The following TYW5 variants were observed in gnomAD, a reference collection of about 807,000 sequenced individuals.
TYW5 encodes tRNA wybutosine-synthesizing protein 5.
TYW5 carries 36 observed loss-of-function variants against 44.4 expected under a neutral mutation model. That is an observed-to-expected ratio of 0.81 (90% CI 0.62 to 1.07). The LOEUF is 1.07. TYW5 is among the 50% of genes least tolerant of loss of function. TYW5 has a pLI of 0.00. For missense variants in TYW5, 354 were observed against 365.7 expected (o/e 0.97, Z 0.26); for synonymous variants, 121 against 128.1 (o/e 0.94, Z 0.37).
chr2:199,941,930 TC>T (rs2077467850), intron 3 of TYW5: 1 of 152,252 alleles, frequency 6.6e-6, no homozygotes, highest in Non-Finnish European at 1.5e-5. Flanking sequence ...GGCAGTCTGC[TC>T]AGGAGTTCCA....
At chr2:199,942,664 A>G (rs984420561) in intron 3 of TYW5, 1 of 152,142 alleles carries the variant, frequency 6.6e-6, no homozygotes, top group Non-Finnish European at 1.5e-5. Context: ...TGGTTATACT[A>G]CAGAATCACA....
At chr2:199,954,717 G>A (rs1365258183) in intron 1 of TYW5, among the ~76,000 whole-genome samples, 1 of 152,142 alleles carries the variant, frequency 6.6e-6, no homozygotes, top group Non-Finnish European at 1.5e-5. Context: ...GAGCCACCGC[G>A]CCCGGCCCCA....
chr2:199,943,517 C>G, intron 3 of TYW5: 1 of 354,300 alleles, frequency 2.8e-6, no homozygotes, highest in South Asian at 5.6e-5. Context: ...CTCACAAACA[C>G]TTTATAAAAT....
chr2:199,946,279 C>T (rs764317914), intron 2 of TYW5: 4 of 151,982 alleles, frequency 2.6e-5, no homozygotes, highest in Non-Finnish European at 5.9e-5. Flanking sequence ...GATAATGTAC[C>T]CTTTTGCAGC....
chr2:199,940,392 A>G (rs2077454268), intron 3 of TYW5, among the ~76,000 whole-genome samples: 1 of 152,118 alleles, frequency 6.6e-6, no homozygotes, highest in Admixed American at 6.5e-5. Context: ...GTGGGTCACA[A>G]CTGTAATCCT....
At chr2:199,937,497 T>C (rs2077429571) in intron 5 of TYW5, among the ~76,000 whole-genome samples, 1 of 150,878 alleles carries the variant, frequency 6.6e-6, no homozygotes, top group African/African-American at 2.4e-5. Context: ...ACCCCATGTA[T>C]ACTAAAAATA....
intron 1 of TYW5, among the ~76,000 whole-genome samples, chr2:199,951,871 G>T (rs1313909625): frequency 1.3e-5 from 2 of 151,918 alleles, no homozygotes; most frequent in Non-Finnish European, 2.9e-5. Context: ...AAAAAAATTA[G>T]CCGGGTGTGG....
rs757538155 is a variant in TYW5, at chr2:199,935,962, G to A, written c.660C>T (p.Ser220=). 2 of 1,612,242 alleles carry A rather than the reference G, an allele frequency of 1.2e-6. No homozygotes were observed. The highest frequency in any genetic ancestry group is 1.7e-6 in the Non-Finnish European group (2 of 1,178,886). Residue 220 remains serine, a synonymous_variant, in exon 7 of 8, where the codon TCC becomes TCT. Transcript: ENST00000354611. The part of the protein sequence containing the change: ...LFSKARRYEC[S]LEAGDVLFIP... ...TGAATAATACATCACCAGCTTCAAGGGAACATTCATATCTTCTAGCCTTGG... is the reference window on the plus strand; with the variant it reads ...TGAATAATACATCACCAGCTTCAAGAGAACATTCATATCTTCTAGCCTTGG...
chr2:199,954,621 A>C (rs1471945195), intron 1 of TYW5, among the ~76,000 whole-genome samples: 1 of 151,460 alleles, frequency 6.6e-6, no homozygotes, highest in East Asian at 2.0e-4. Context: ...TTTAGTAGAG[A>C]TGGGATTTCT....
chr2:199,933,400 C>T (rs952224358), intron 7 of TYW5, 77 bp from the exon 8 acceptor site: 7 of 1,234,634 alleles, frequency 5.7e-6, no homozygotes, highest in East Asian at 4.7e-5. Context: ...TGAAATATCA[C>T]GAATTGCATA....
chr2:199,953,886 GC>G (rs1179613003), intron 1 of TYW5, among the ~76,000 whole-genome samples: 1 of 152,072 alleles, frequency 6.6e-6, no homozygotes, highest in Non-Finnish European at 1.5e-5. Context: ...AATACCTTTT[GC>G]TATGACTCTT....
intron 3 of TYW5, chr2:199,943,384 T>G (rs1231266536): frequency 6.2e-6 from 1 of 160,842 alleles, no homozygotes; most frequent in African/African-American, 2.4e-5. Context: ...CCATTAGCAT[T>G]TGAAGTTGGC....
chr2:199,941,937 T>G (rs1259400483), intron 3 of TYW5: 1 of 152,090 alleles, frequency 6.6e-6, no homozygotes, highest in East Asian at 1.9e-4. Context: ...TGCTCAGGAG[T>G]TCCAGGATGA....
rs753023964 is a variant in TYW5 at position 199,948,386 on chromosome 2, C to G, written c.165G>C (p.Lys55Asn). 2 of 1,614,150 alleles carry G rather than the reference C, an allele frequency of 1.2e-6. No individual in the cohort carries two copies. Among genetic ancestry groups the G allele is most frequent in the Admixed American group, 1.7e-5 (1 of 60,022 alleles). The change falls in exon 2 of 8, where the codon AAG becomes AAC. Residue 55 changes from lysine (K) to asparagine (N), a missense_variant. Transcript: ENST00000354611. ...TVDYLSQVGG[K>N]KEVKIHVAAV... ...CAGCAACATGAATCTTTACTTCTTT[C>G]TTCCCTCCAACTTGGCTTAGGTAAT...
chr2:199,952,368 C>T (rs190546165), intron 1 of TYW5, among the ~76,000 whole-genome samples: 162 of 152,224 alleles, frequency 1.1e-3, no homozygotes, highest in African/African-American at 3.3e-3. Context: ...ATTACCAGAG[C>T]TTTTTAAATT....
Position 199,939,968 on chromosome 2 carries a change from G to A in TYW5, c.348+121C>T, listed in dbSNP as rs539823302. The A allele has an allele frequency of 4.2e-6, 4 of 947,778 alleles. No homozygotes were observed. The East Asian group carries it at 9.8e-5, about 23-fold the overall frequency. 58.7% of individuals were successfully genotyped at this position (947,778 alleles called of 1,614,324 possible). The stretch of plus-strand genomic sequence containing the variant: ...TCAGGGGCACAAATCACTGAGAGAA[G>A]AATGGAAAAGGATAGAACAGGGAAT... On this transcript the variant is annotated intron_variant, in intron 4 of 7. Coordinates refer to ENST00000354611, the MANE Select transcript of TYW5 (RefSeq NM_001039693.3).
At chr2:199,943,976 T>C (rs776195692) in intron 2 of TYW5, 142 bp from the exon 3 acceptor site, 16 of 563,910 alleles carry the variant, frequency 2.8e-5, no homozygotes, top group Non-Finnish European at 4.5e-5. Flanking sequence ...TAACCTATTA[T>C]GTGAAATTCT....
chr2:199,936,849 A>G (rs976472264), intron 5 of TYW5, among the ~76,000 whole-genome samples: 2 of 152,224 alleles, frequency 1.3e-5, no homozygotes, highest in African/African-American at 4.8e-5. Context: ...ATTAGACAAC[A>G]GAGTAAAAGC....
chr2:199,934,102 C>T (rs1232068273), intron 7 of TYW5, among the ~76,000 whole-genome samples: 3 of 152,016 alleles, frequency 2.0e-5, no homozygotes, highest in Non-Finnish European at 4.4e-5. Flanking sequence ...CCCTTTTAAT[C>T]CTGTGAAAGG....
Sources: gnomAD v4.1 joint callset for allele counts (sites outside exome capture counted in the v4.1 genomes callset) on GRCh38, gnomAD v4.1.1 for gene constraint, MANE v1.5 for transcripts, NCBI Gene and HGNC (gene_info 2026-07-23, HGNC 2026-07-21) for gene names.